Variants in SNX29 observed in about 807,000 individuals in gnomAD.
The protein encoded by SNX29 is sorting nexin-29.
Under a neutral mutation model 102.1 loss-of-function variants are expected in SNX29, and 78 were observed. The ratio of observed to expected loss-of-function variants is 0.76; its 90% CI spans 0.64 to 0.92. The LOEUF (loss-of-function observed/expected upper bound fraction) is 0.92, where lower values mean the gene tolerates loss of function less well. Ranked by LOEUF, SNX29 falls within the 40% of genes least tolerant of loss-of-function variation. The pLI is 0.00. For missense variants in SNX29, 1,280 were observed against 1,061.7 expected, an observed-to-expected ratio of 1.21 and a Z score of -2.86; for synonymous variants, 580 against 414.5, an observed-to-expected ratio of 1.40 and a Z score of -4.85.
At chr16:12,077,835 G>A (rs2051654282) in intron 10 of SNX29, among the ~76,000 whole-genome samples, 1 of 151,984 alleles carries the variant, frequency 6.6e-6, no homozygotes, top group Admixed American at 6.6e-5. Context: ...TCGCCAGGCT[G>A]GTCTCGAACT....
At chr16:12,052,345 T>C in intron 8 of SNX29, 123 bp downstream of exon 8, 1 of 1,097,850 alleles carries the variant, frequency 9.1e-7, no homozygotes, top group South Asian at 1.5e-5. Flanking sequence ...GCCTCCCGAG[T>C]AGCTGGGATT....
intron 18 of SNX29, among the ~76,000 whole-genome samples, chr16:12,472,496 G>A (rs1298556556): frequency 6.9e-6 from 1 of 145,666 alleles, no homozygotes; most frequent in East Asian, 2.1e-4. Context: ...TTCAGCCTGG[G>A]TGACAGAGCG....
intron 6 of SNX29, among the ~76,000 whole-genome samples, chr16:12,046,751 C>A (rs1596685538): frequency 6.6e-6 from 1 of 152,210 alleles, no homozygotes; most frequent in South Asian, 2.1e-4. Context: ...TTCCGAGAAG[C>A]TGGGATTACG....
chr16:12,519,323 A>G (rs537935163), intron 19 of SNX29, among the ~76,000 whole-genome samples: 3 of 152,300 alleles, frequency 2.0e-5, no homozygotes, highest in African/African-American at 7.2e-5. Flanking sequence ...GTCCAGTCTG[A>G]ACAGTATTGC....
At chr16:12,443,228 C>T (rs1342118839) in intron 18 of SNX29, 3 of 329,248 alleles carry the variant, frequency 9.1e-6, no homozygotes, top group African/African-American at 6.5e-5. Flanking sequence ...CATTGCGGCA[C>T]TGAGACATCA....
intron 3 of SNX29, among the ~76,000 whole-genome samples, chr16:12,006,926 C>CT (rs1369998511): frequency 2.6e-5 from 4 of 152,152 alleles, no homozygotes; most frequent in African/African-American, 9.7e-5. Context: ...TGGGTTATCC[C>CT]TTTTTTACTG....
chr16:12,372,818 T>C (rs2082731691), intron 16 of SNX29: 1 of 152,184 alleles, frequency 6.6e-6, no homozygotes, highest in African/African-American at 2.4e-5. Context: ...ATATTCTCAT[T>C]GCTAGTTTCA....
chr16:12,298,089 G>A (rs1008017984), intron 15 of SNX29, among the ~76,000 whole-genome samples: 6 of 152,210 alleles, frequency 3.9e-5, no homozygotes, highest in African/African-American at 7.2e-5. Flanking sequence ...AGAATTGCTT[G>A]AACCCAGGAA....
At chr16:12,260,283 G>T (rs2078695760) in intron 14 of SNX29, among the ~76,000 whole-genome samples, 1 of 152,168 alleles carries the variant, frequency 6.6e-6, no homozygotes, top group Non-Finnish European at 1.5e-5. Context: ...TGTTTTCCTT[G>T]TAGGTTCCTG....
chr16:12,149,249 G>C (rs2055195713), intron 13 of SNX29, among the ~76,000 whole-genome samples: 1 of 152,208 alleles, frequency 6.6e-6, no homozygotes, highest in Non-Finnish European at 1.5e-5. Flanking sequence ...AGCAGGAGAA[G>C]GGGAGAAAGT....
intron 18 of SNX29, among the ~76,000 whole-genome samples, chr16:12,419,662 G>A (rs1389596928): frequency 1.3e-5 from 2 of 151,938 alleles, no homozygotes; most frequent in African/African-American, 4.8e-5. Flanking sequence ...CTCCAGGCCT[G>A]CATCGTCTTG....
chr16:12,562,773 T>G (rs115822719), intron 20 of SNX29, among the ~76,000 whole-genome samples: 1 of 152,046 alleles, frequency 6.6e-6, no homozygotes, highest in Admixed American at 6.6e-5. Flanking sequence ...AGGCTTGGAG[T>G]CCTTTAGCCA....
rs147216193 is a variant in SNX29 at position 12,263,478 on chromosome 16, A to G, written c.1679-14455A>G. Among the ~76,000 whole-genome samples the G allele has an allele frequency of 3.9e-5, 6 of 152,294 alleles. 1 individual carries two copies. The highest frequency in any genetic ancestry group is 1.4e-4 in the African/African-American group (6 of 41,552). On this transcript the variant is annotated intron_variant, in intron 14 of 20. Coordinates refer to ENST00000566228, the MANE Select transcript of SNX29 (RefSeq NM_032167.5). ...CCCGATGAGAGAGAATGAGCTCTCT[A>G]GAAATCTAACAGATTATCATACAAC... is the stretch of plus-strand genomic sequence containing the variant.
At chr16:12,481,112 T>A (rs545576857) in intron 19 of SNX29, among the ~76,000 whole-genome samples, 1 of 152,230 alleles carries the variant, frequency 6.6e-6, no homozygotes, top group Admixed American at 6.5e-5. Context: ...CAATGTGCTT[T>A]TATCCCCCCA....
intron 20 of SNX29, among the ~76,000 whole-genome samples, chr16:12,541,726 C>G (rs79440189): frequency 0.014 from 2,175 of 152,240 alleles, 69 homozygotes; most frequent in South Asian, 0.12. Context: ...CTGTCACCTC[C>G]TGTCTTTTCC....
chr16:11,996,004 G>T (rs2056058018), intron 1 of SNX29, among the ~76,000 whole-genome samples: 1 of 151,218 alleles, frequency 6.6e-6, no homozygotes, highest in South Asian at 2.1e-4. Flanking sequence ...AGGTTGCAGG[G>T]AGCCGAGACT....
At chr16:12,547,153 C>T (rs117247269) in intron 20 of SNX29, among the ~76,000 whole-genome samples, 1 of 152,176 alleles carries the variant, frequency 6.6e-6, no homozygotes, top group Non-Finnish European at 1.5e-5. Flanking sequence ...AAGAAGCCTG[C>T]TGGGGATGTG....
intron 11 of SNX29, among the ~76,000 whole-genome samples, chr16:12,105,811 C>T (rs546450906): frequency 6.6e-6 from 1 of 152,232 alleles, no homozygotes; most frequent in South Asian, 2.1e-4. Context: ...GAGAGATTAG[C>T]TTGGAAAGAA....
intron 3 of SNX29, among the ~76,000 whole-genome samples, chr16:12,016,957 G>C (rs2151079216): frequency 6.6e-6 from 1 of 151,438 alleles, no homozygotes; most frequent in African/African-American, 2.4e-5. Flanking sequence ...TGAGACCCCT[G>C]TCTTTACAAA....
Sources: gnomAD v4.1 joint callset for allele counts (sites outside exome capture counted in the v4.1 genomes callset) on GRCh38, gnomAD v4.1.1 for gene constraint, MANE v1.5 for transcripts, NCBI Gene and HGNC (gene_info 2026-07-23, HGNC 2026-07-21) for gene names.